The following PRKCB variants were observed in gnomAD, a reference collection of about 807,000 sequenced individuals.
The protein encoded by PRKCB is protein kinase C beta type.
PRKCB carries 13 observed loss-of-function variants against 81.5 expected under a neutral mutation model. The observed-to-expected ratio is 0.16, with a 90% CI of 0.10 to 0.25. The LOEUF is 0.25. PRKCB is among the 10% of genes least tolerant of loss of function. PRKCB has a pLI of 1.00. For synonymous variants in PRKCB, 335 were observed against 321.4 expected, an observed-to-expected ratio of 1.04 and a Z score of -0.45; for missense variants, 509 against 875.7, an observed-to-expected ratio of 0.58 and a Z score of 5.29.
chr16:24,061,922 A>AAC (rs910871915), intron 5 of PRKCB, among the ~76,000 whole-genome samples: 3 of 149,622 alleles, frequency 2.0e-5, no homozygotes, highest in South Asian at 4.2e-4. Context: ...AAAAAAAAAA[A>AAC]AAAAAAAAAA....
chr16:24,127,086 A>G (rs1294765459), intron 9 of PRKCB, among the ~76,000 whole-genome samples: 1 of 142,186 alleles, frequency 7.0e-6, no homozygotes, highest in African/African-American at 2.6e-5. Flanking sequence ...GCTCACCGCA[A>G]CCTCCGCCTC....
intron 3 of PRKCB, among the ~76,000 whole-genome samples, chr16:23,993,023 T>A (rs1469015242): frequency 2.6e-5 from 4 of 152,154 alleles, no homozygotes; most frequent in Non-Finnish European, 2.9e-5. Context: ...GAAACAGTAA[T>A]GGCTTTCCCT....
At chr16:23,899,273 G>C (rs1235315436) in intron 2 of PRKCB, among the ~76,000 whole-genome samples, 2 of 152,160 alleles carry the variant, frequency 1.3e-5, no homozygotes, top group Admixed American at 1.3e-4. Flanking sequence ...TTGCAACATT[G>C]GTTGGCATCA....
chr16:23,947,240 C>G (rs1179907817), intron 2 of PRKCB, among the ~76,000 whole-genome samples: 1 of 152,210 alleles, frequency 6.6e-6, no homozygotes, highest in African/African-American at 2.4e-5. Context: ...ACTCTGCTGC[C>G]TGTTCCCATG....
intron 5 of PRKCB, among the ~76,000 whole-genome samples, chr16:24,061,927 A>AAAAAAAAAC: frequency 6.7e-6 from 1 of 150,144 alleles, no homozygotes; most frequent in African/African-American, 2.5e-5. Flanking sequence ...AAAAAAAAAA[A>AAAAAAAAAC]AAAAAACTTG....
intron 10 of PRKCB, among the ~76,000 whole-genome samples, chr16:24,169,736 G>A (rs767318577): frequency 5.9e-5 from 9 of 151,814 alleles, no homozygotes; most frequent in South Asian, 2.1e-4. Context: ...TTTTTCCCCC[G>A]TGGCACTTTT....
intron 7 of PRKCB, among the ~76,000 whole-genome samples, chr16:24,110,251 G>T: frequency 6.6e-6 from 1 of 151,646 alleles, no homozygotes; most frequent in East Asian, 1.9e-4. Flanking sequence ...TCGCTCTGTT[G>T]CCCAGGCTGG....
intron 5 of PRKCB, among the ~76,000 whole-genome samples, chr16:24,044,692 G>A (rs1211714255): frequency 6.6e-6 from 1 of 152,138 alleles, no homozygotes; most frequent in Admixed American, 6.5e-5. Context: ...TATTATCTAT[G>A]GCTGCTCTTG....
chr16:24,129,773 A>G (rs969200986), intron 9 of PRKCB, among the ~76,000 whole-genome samples: 1 of 152,244 alleles, frequency 6.6e-6, no homozygotes, highest in Non-Finnish European at 1.5e-5. Context: ...TCAAATAAAA[A>G]TAAAAGCAAA....
chr16:24,153,702 C>T (rs1967111758), intron 9 of PRKCB, among the ~76,000 whole-genome samples: 1 of 152,178 alleles, frequency 6.6e-6, no homozygotes, highest in African/African-American at 2.4e-5. Context: ...TGTCTGTGAG[C>T]CACACTGGTT....
Position 24,218,656 on chromosome 16 carries a change from T to A in PRKCB, c.*3840T>A, listed in dbSNP as rs541844279. ...GGAGAGTGAACCCAGCAATGAGAGATCCTTAACAGCTAGTGCCCATTAGGG... is the reference window on the plus strand; with the variant it reads ...GGAGAGTGAACCCAGCAATGAGAGAACCTTAACAGCTAGTGCCCATTAGGG... On this transcript the variant is annotated 3_prime_UTR_variant, in exon 17 of 17. Transcript: ENST00000643927. The A allele has an allele frequency of 1.1e-5, 11 of 975,142 alleles. No individual in the cohort carries two copies. The East Asian group carries it at 1.2e-3, about 105-fold the overall frequency. The allele number at this position is 975,142 out of a possible 1,614,324, so 60.4% of individuals were successfully genotyped here. A position where few individuals can be genotyped will look rare whatever the true frequency, so the allele number is the denominator to read the frequency against.
intron 3 of PRKCB, among the ~76,000 whole-genome samples, chr16:24,011,016 C>T (rs1416260148): frequency 1.3e-5 from 2 of 152,106 alleles, no homozygotes; most frequent in Admixed American, 6.5e-5. Context: ...AGGCATGTGC[C>T]GCTACGCCTG....
In PRKCB at chr16:23,956,692, T is replaced by C. The variant is rs531354923; in HGVS notation, c.206-31816T>C. On this transcript the variant is annotated intron_variant, in intron 2 of 16. Transcript: ENST00000643927. ...GCACGAAAGTGCCTCTTAGAAAATG[T>C]CTTTTAGAAGATAAAATACCTATTG... Among the ~76,000 whole-genome samples, 66 of 152,326 alleles carry C rather than the reference T, an allele frequency of 4.3e-4. 1 individual carries two copies. The highest frequency in any genetic ancestry group is 6.8e-4 in the Non-Finnish European group (46 of 68,032).
intron 16 of PRKCB, among the ~76,000 whole-genome samples, chr16:24,194,701 C>G (rs1180737215): frequency 1.3e-5 from 2 of 150,214 alleles, no homozygotes; most frequent in Non-Finnish European, 2.9e-5. Context: ...GATTACAATA[C>G]TTAGTCATTA....
At chr16:24,127,746 A>G (rs937558803) in intron 9 of PRKCB, among the ~76,000 whole-genome samples, 5 of 152,214 alleles carry the variant, frequency 3.3e-5, no homozygotes, top group Non-Finnish European at 7.3e-5. Flanking sequence ...CAGACTGGAG[A>G]TATAGCATCA....
intron 2 of PRKCB, among the ~76,000 whole-genome samples, chr16:23,933,902 C>T (rs1596478674): frequency 7.5e-6 from 1 of 132,470 alleles, no homozygotes; most frequent in African/African-American, 3.0e-5. Flanking sequence ...CAATTTTCTA[C>T]CCATCCATCC....
chr16:24,174,844 G>C lies in PRKCB; in HGVS notation c.1394+264G>C, dbSNP rs915636590. The C allele has an allele frequency of 1.5e-5, 6 of 396,716 alleles. No individual in the cohort carries two copies. In the East Asian group the frequency reaches 2.3e-4, roughly 15 times the overall value. The allele number at this position is 396,716 out of a possible 1,614,324, so 24.6% of individuals were successfully genotyped here. A position where few individuals can be genotyped will look rare whatever the true frequency, so the allele number is the denominator to read the frequency against. ...AAACAGGAGACTGTTTGCTCTAAGAGGAGACTCACAGAGAGGACCTCAGTA... is the reference window on the plus strand; with the variant it reads ...AAACAGGAGACTGTTTGCTCTAAGACGAGACTCACAGAGAGGACCTCAGTA... On this transcript the variant is annotated intron_variant, in intron 12 of 16. Coordinates refer to ENST00000643927, the MANE Select transcript of PRKCB (RefSeq NM_002738.7).
At chr16:23,898,363 G>C (rs1471543169) in intron 2 of PRKCB, among the ~76,000 whole-genome samples, 3 of 152,070 alleles carry the variant, frequency 2.0e-5, no homozygotes, top group African/African-American at 7.2e-5. Flanking sequence ...CACCGCACTG[G>C]ACCCTGTCTA....
intron 2 of PRKCB, chr16:23,893,572 G>GA (rs1304108277): frequency 6.6e-6 from 1 of 152,104 alleles, no homozygotes; most frequent in East Asian, 1.9e-4. Context: ...TTTTAAAAAG[G>GA]AAAAAAACCA....
Sources: gnomAD v4.1 joint callset for allele counts (sites outside exome capture counted in the v4.1 genomes callset) on GRCh38, gnomAD v4.1.1 for gene constraint, MANE v1.5 for transcripts, NCBI Gene and HGNC (gene_info 2026-07-23, HGNC 2026-07-21) for gene names.